The following SLC14A2 variants were observed in gnomAD, a reference collection of about 807,000 sequenced individuals.
SLC14A2 encodes solute carrier family 14 member 2.
A neutral mutation model predicts 104.6 loss-of-function variants in SLC14A2; 91 were observed. The ratio of observed to expected loss-of-function variants is 0.87; its 90% CI spans 0.73 to 1.04. The LOEUF is 1.04. Among genes scored for constraint, SLC14A2 ranks in the 50% least tolerant of loss-of-function variants. SLC14A2 has a pLI of 0.00. For missense variants in SLC14A2, 1,189 were observed against 1,156.0 expected, an observed-to-expected ratio of 1.03 and a Z score of -0.41; for synonymous variants, 476 against 466.4, an observed-to-expected ratio of 1.02 and a Z score of -0.27.
At chr18:45,525,711 G>T (rs928656519) in intron 2 of SLC14A2, among the ~76,000 whole-genome samples, 1 of 152,204 alleles carries the variant, frequency 6.6e-6, no homozygotes, top group Non-Finnish European at 1.5e-5. Flanking sequence ...TTTAGATGAT[G>T]CTTCCTAAGA....
chr18:45,494,651 C>T (rs78857230), intron 2 of SLC14A2, among the ~76,000 whole-genome samples: 11,169 of 152,040 alleles, frequency 0.073, 535 homozygotes, highest in East Asian at 0.21. Flanking sequence ...GATCTGCCTG[C>T]CTCAGTCTCC....
At chr18:45,173,106 C>A in the SLC14A2 span, among the ~76,000 whole-genome samples, 280 of 152,172 alleles carry the variant, frequency 1.8e-3, 1 homozygote, top group African/African-American at 6.4e-3. Flanking sequence ...GCTGCCTGTG[C>A]AGTAATGAGT....
intron 1 of SLC14A2, among the ~76,000 whole-genome samples, chr18:45,301,309 T>A (rs1316403156): frequency 6.6e-6 from 1 of 152,194 alleles, no homozygotes; most frequent in Non-Finnish European, 1.5e-5. Context: ...CTCAAGCAAA[T>A]GATTTGCTGC....
At chr18:45,641,536 A>G (rs2045528535) in intron 8 of SLC14A2, among the ~76,000 whole-genome samples, 193 bp downstream of exon 8, 1 of 152,228 alleles carries the variant, frequency 6.6e-6, no homozygotes, top group South Asian at 2.1e-4. Flanking sequence ...TGGGATCACA[A>G]CCACCGAATG....
chr18:45,353,989 AG>A (rs1282287608), intron 1 of SLC14A2, among the ~76,000 whole-genome samples: 1 of 152,198 alleles, frequency 6.6e-6, no homozygotes, highest in Non-Finnish European at 1.5e-5. Flanking sequence ...GATGATGGAC[AG>A]TGTTTGTGCT....
chr18:45,477,641 C>T (rs1285941682), intron 1 of SLC14A2, among the ~76,000 whole-genome samples: 1 of 152,196 alleles, frequency 6.6e-6, no homozygotes, highest in East Asian at 1.9e-4. Context: ...TCTATAAGCC[C>T]ATGACTGGGG....
intron 2 of SLC14A2, among the ~76,000 whole-genome samples, chr18:45,538,611 CAA>C (rs1041897178): frequency 6.6e-6 from 1 of 152,118 alleles, no homozygotes; most frequent in African/African-American, 2.4e-5. Flanking sequence ...AGTGACTCAA[CAA>C]AGAAAGAGGG....
intron 1 of SLC14A2, among the ~76,000 whole-genome samples, chr18:45,455,051 G>T (rs187306349): frequency 6.6e-6 from 1 of 152,276 alleles, no homozygotes; most frequent in East Asian, 1.9e-4. Context: ...AAGGTCAATG[G>T]TAGCTTAATG....
chr18:45,490,011 G>A (rs944035515), intron 2 of SLC14A2: 15 of 152,206 alleles, frequency 9.9e-5, no homozygotes, highest in Admixed American at 9.2e-4. Context: ...TTTGGTGGCA[G>A]ATTCAAGGCT....
chr18:45,282,925 A>G (rs1320167981), intron 1 of SLC14A2, among the ~76,000 whole-genome samples: 1 of 152,232 alleles, frequency 6.6e-6, no homozygotes, highest in Non-Finnish European at 1.5e-5. Context: ...GAGTTTCAAA[A>G]GAATACAAAA....
intron 2 of SLC14A2, among the ~76,000 whole-genome samples, chr18:45,556,428 A>G (rs1346464941): frequency 6.6e-6 from 1 of 152,208 alleles, no homozygotes; most frequent in Non-Finnish European, 1.5e-5. Flanking sequence ...AAATTCTCTT[A>G]TCAGCATCCC....
intron 1 of SLC14A2, among the ~76,000 whole-genome samples, chr18:45,320,320 AC>A (rs2085172362): frequency 6.6e-6 from 1 of 152,032 alleles, no homozygotes; most frequent in Admixed American, 6.6e-5. Context: ...GTACCCTTTG[AC>A]CCCTAGGCGA....
At chr18:45,616,394 G>T (rs1330516992) in intron 1 of SLC14A2, among the ~76,000 whole-genome samples, 2 of 152,172 alleles carry the variant, frequency 1.3e-5, no homozygotes, top group African/African-American at 4.8e-5. Context: ...AGCTCAATCA[G>T]CATTCCAGAA....
chr18:45,553,731 G>A (rs1410697298), intron 2 of SLC14A2, among the ~76,000 whole-genome samples: 1 of 152,144 alleles, frequency 6.6e-6, no homozygotes, highest in African/African-American at 2.4e-5. Flanking sequence ...ATGTGGGAAG[G>A]ACAGACATTT....
the SLC14A2 span, among the ~76,000 whole-genome samples, chr18:45,171,358 G>T: frequency 6.6e-6 from 1 of 151,996 alleles, no homozygotes; most frequent in African/African-American, 2.4e-5. Context: ...AGAGGAAAAA[G>T]GAAGGTGTAT....
At chr18:45,464,281 C>T (rs568067417) in intron 1 of SLC14A2, among the ~76,000 whole-genome samples, 12 of 152,290 alleles carry the variant, frequency 7.9e-5, no homozygotes, top group African/African-American at 2.6e-4. Context: ...TTTCCCATCT[C>T]TGAGATAAAT....
At chr18:45,406,121 C>T (rs1356829987) in intron 1 of SLC14A2, among the ~76,000 whole-genome samples, 1 of 152,038 alleles carries the variant, frequency 6.6e-6, no homozygotes, top group East Asian at 1.9e-4. Context: ...GTATTTCACT[C>T]ACAGTAGAAC....
chr18:45,646,419 A>T (rs1158777344), intron 10 of SLC14A2: 1 of 152,132 alleles, frequency 6.6e-6, no homozygotes, highest in Non-Finnish European at 1.5e-5. Context: ...AATGGAGGCA[A>T]GGCTCCCAAA....
intron 1 of SLC14A2, among the ~76,000 whole-genome samples, chr18:45,275,010 A>T (rs952081149): frequency 3.9e-5 from 6 of 151,994 alleles, no homozygotes; most frequent in Admixed American, 3.9e-4. Context: ...CTTAGTTATG[A>T]TTTTTCCTTT....
Sources: allele counts gnomAD v4.1 joint callset (sites outside exome capture counted in the v4.1 genomes callset), GRCh38; gene constraint gnomAD v4.1.1; transcripts MANE v1.5; gene names NCBI Gene and HGNC (gene_info 2026-07-23, HGNC 2026-07-21).